Variants in NIBAN1 observed in about 807,000 individuals in gnomAD.
The protein encoded by NIBAN1 is protein Niban 1.
A neutral mutation model predicts 75.1 loss-of-function variants in NIBAN1; 81 were observed. The ratio of observed to expected loss-of-function variants is 1.08; its 90% CI spans 0.90 to 1.30. The LOEUF (loss-of-function observed/expected upper bound fraction) is 1.30. Ranked by LOEUF, NIBAN1 falls within the 50% of genes most tolerant of loss-of-function variation. NIBAN1 has a pLI of 0.00. For synonymous variants in NIBAN1, 436 were observed against 424.8 expected (o/e 1.03, Z -0.32); for missense variants, 1,133 against 1,128.1 (o/e 1.00, Z -0.06).
At chr1:184,866,222 G>C (rs1288267454) in intron 5 of NIBAN1, among the ~76,000 whole-genome samples, 1 of 152,148 alleles carries the variant, frequency 6.6e-6, no homozygotes, top group African/African-American at 2.4e-5. Flanking sequence ...ATGGAAGTAA[G>C]GACAGGTACG....
Position 184,825,465 on chromosome 1 carries a change from C to G in NIBAN1, c.718-1723G>C, listed in dbSNP as rs118118776. 5.3e-5 allele frequency among the ~76,000 whole-genome samples: 8 copies of G among 151,968 alleles called. No homozygotes were observed. The East Asian group carries it at 1.5e-3, about 29-fold the overall frequency. On this transcript the variant is annotated intron_variant, in intron 6 of 13. Transcript: ENST00000367511. Reference sequence around the variant, plus strand: ...GAAGGCAATAACCAATATTTTGGAACAAACAAATATTTGGAACATTTATGG... The same window carrying G: ...GAAGGCAATAACCAATATTTTGGAAGAAACAAATATTTGGAACATTTATGG...
intron 5 of NIBAN1, among the ~76,000 whole-genome samples, chr1:184,866,495 G>A (rs1425951470): frequency 6.6e-6 from 1 of 152,130 alleles, no homozygotes; most frequent in Non-Finnish European, 1.5e-5. Flanking sequence ...GTAATTTTAA[G>A]ATGATAATGT....
intron 5 of NIBAN1, among the ~76,000 whole-genome samples, chr1:184,854,840 T>C (rs1396176826): frequency 6.6e-6 from 1 of 152,266 alleles, no homozygotes; most frequent in Non-Finnish European, 1.5e-5. Context: ...GATCACGTAT[T>C]GTAATTAACT....
At chr1:184,908,088 T>G (rs1172856066) in intron 1 of NIBAN1, among the ~76,000 whole-genome samples, 1 of 152,172 alleles carries the variant, frequency 6.6e-6, no homozygotes, top group Admixed American at 6.5e-5. Context: ...AAAGCATCGT[T>G]TCCTGCTTTC....
chr1:184,863,371 A>G (rs1336476342), intron 5 of NIBAN1, among the ~76,000 whole-genome samples: 1 of 152,252 alleles, frequency 6.6e-6, no homozygotes, highest in Non-Finnish European at 1.5e-5. Context: ...TTCTAATACA[A>G]TAAAAATGCA....
intron 1 of NIBAN1, among the ~76,000 whole-genome samples, chr1:184,903,958 G>A: frequency 6.6e-6 from 1 of 151,408 alleles, no homozygotes. Flanking sequence ...GTGCAGTGGT[G>A]CCATCTTGGC....
intron 5 of NIBAN1, among the ~76,000 whole-genome samples, chr1:184,858,181 A>T (rs1430374319): frequency 1.3e-5 from 2 of 152,148 alleles, no homozygotes; most frequent in Admixed American, 6.5e-5. Flanking sequence ...TAATGGAGAT[A>T]TAAAAAAGAG....
chr1:184,809,549 G>A (rs1483926523), intron 9 of NIBAN1, among the ~76,000 whole-genome samples: 1 of 151,364 alleles, frequency 6.6e-6, no homozygotes, highest in Non-Finnish European at 1.5e-5. Flanking sequence ...TTTCAACCTG[G>A]CTATCTTGTC....
At chr1:184,827,370 C>G (rs892075089) in intron 6 of NIBAN1, among the ~76,000 whole-genome samples, 1 of 152,110 alleles carries the variant, frequency 6.6e-6, no homozygotes, top group Non-Finnish European at 1.5e-5. Flanking sequence ...TGCCTGTCAC[C>G]TCCCCAGAGC....
chr1:184,808,226 G>A lies in NIBAN1; in HGVS notation c.1183C>T (p.Arg395Trp), dbSNP rs771081777. ...GAATGCAGCGGAAGATTCATAAGCC[G>A]GTCTAGATGCTGCATTTTGGTGAAG... ...DSVQLKEHLD[R>W]LMNLPLHSVK... Residue 395 changes from arginine (R) to tryptophan (W), a missense_variant, in exon 10 of 14, where the codon CGG (arginine) becomes TGG (tryptophan). Arg to Trp is a moderately radical substitution (Grantham distance 101, BLOSUM62 -3). Transcript: ENST00000367511. The A allele has an allele frequency of 3.7e-5, 59 of 1,613,586 alleles. No homozygotes were observed. The highest frequency in any genetic ancestry group is 2.2e-4 in the East Asian group (10 of 44,876).
At chr1:184,928,112 C>A (rs1657727155) in intron 1 of NIBAN1, among the ~76,000 whole-genome samples, 1 of 152,162 alleles carries the variant, frequency 6.6e-6, no homozygotes, top group Non-Finnish European at 1.5e-5. Context: ...AGCAAGTTCC[C>A]TTCTGGCACA....
chr1:184,803,574 C>T lies in NIBAN1; in HGVS notation c.1554+11G>A. On this transcript the variant is annotated intron_variant, in intron 12 of 13. Coordinates refer to ENST00000367511, the MANE Select transcript of NIBAN1 (RefSeq NM_052966.4). ...GAAGAGCAAGCTCTTTAGGGTAACT[C>T]ATCCCCTTACTGGTTTGCATGTGGA... 1 of 1,607,782 alleles carries T rather than the reference C, an allele frequency of 6.2e-7. No homozygotes were observed. The highest frequency in any genetic ancestry group is 8.5e-7 in the Non-Finnish European group (1 of 1,174,370).
rs571738506 is a variant in NIBAN1, at chr1:184,860,133, T to G, written c.601+24500A>C. The stretch of plus-strand genomic sequence containing the variant: ...ATGAACCAGAGAACTATGGTGTGAG[T>G]GGGGTTGGAATCAAAGCCATAGGAC... On this transcript the variant is annotated intron_variant, in intron 5 of 13. Transcript: ENST00000367511. 2.6e-5 allele frequency among the ~76,000 whole-genome samples: 4 copies of G among 151,780 alleles called. No individual in the cohort carries two copies. In the South Asian group the frequency reaches 8.3e-4, roughly 32 times the overall value.
At chr1:184,910,983 C>T (rs1417214709) in intron 1 of NIBAN1, among the ~76,000 whole-genome samples, 1 of 152,072 alleles carries the variant, frequency 6.6e-6, no homozygotes, top group Non-Finnish European at 1.5e-5. Flanking sequence ...CATCAGCTTT[C>T]CTGGGCCTCC....
At chr1:184,820,643 TGA>T (rs1213459850) in intron 8 of NIBAN1, among the ~76,000 whole-genome samples, 1 of 152,222 alleles carries the variant, frequency 6.6e-6, no homozygotes, top group African/African-American at 2.4e-5. Flanking sequence ...CATATGTGTT[TGA>T]TACATTAATT....
chr1:184,968,956 G>A (rs1270806834), intron 1 of NIBAN1, among the ~76,000 whole-genome samples: 1 of 152,202 alleles, frequency 6.6e-6, no homozygotes, highest in East Asian at 1.9e-4. Flanking sequence ...GTCCATGACA[G>A]CTGTCCAGCC....
chr1:184,907,004 G>C (rs1571564061), intron 1 of NIBAN1, among the ~76,000 whole-genome samples: 1 of 152,062 alleles, frequency 6.6e-6, no homozygotes, highest in Non-Finnish European at 1.5e-5. Context: ...TCACAACTAT[G>C]ATACATTCTA....
At chr1:184,854,820 T>G (rs111900847) in intron 5 of NIBAN1, among the ~76,000 whole-genome samples, 14 of 152,354 alleles carry the variant, frequency 9.2e-5, no homozygotes, top group African/African-American at 3.1e-4. Flanking sequence ...CAATAGTGGG[T>G]ACAGACTTGG....
At chr1:184,888,050 A>T (rs1656571890) in intron 4 of NIBAN1, 1 of 152,184 alleles carries the variant, frequency 6.6e-6, no homozygotes, top group South Asian at 2.1e-4. Flanking sequence ...TTTTCTGGGC[A>T]TAGTGGCATG....
Sources: allele counts gnomAD v4.1 joint callset (sites outside exome capture counted in the v4.1 genomes callset), GRCh38; gene constraint gnomAD v4.1.1; transcripts MANE v1.5; gene names NCBI Gene and HGNC (gene_info 2026-07-23, HGNC 2026-07-21).